PRMT3: variants seen among roughly 807,000 people sequenced by gnomAD.
PRMT3 encodes the protein protein arginine N-methyltransferase 3.
PRMT3 carries 62 observed loss-of-function variants against 71.9 expected under a neutral mutation model. The observed-to-expected ratio is 0.86, with a 90% CI of 0.70 to 1.07. The LOEUF is 1.07. Among genes scored for constraint, PRMT3 ranks in the 50% least tolerant of loss-of-function variants. PRMT3 has a pLI of 0.00. For synonymous variants in PRMT3, 213 were observed against 220.4 expected, an observed-to-expected ratio of 0.97 and a Z score of 0.30; for missense variants, 663 against 643.0, an observed-to-expected ratio of 1.03 and a Z score of -0.34.
At chr11:20,476,568 A>C (rs1850791299) in intron 13 of PRMT3, among the ~76,000 whole-genome samples, 1 of 152,210 alleles carries the variant, frequency 6.6e-6, no homozygotes, top group Non-Finnish European at 1.5e-5. Context: ...TGCCCCTCCC[A>C]AACCCAAAAT....
chr11:20,508,404 T>A lies in PRMT3; in HGVS notation c.1587T>A (p.Gly529=), dbSNP rs1039835628. The A allele has an allele frequency of 1.4e-5, 23 of 1,599,674 alleles. No individual in the cohort carries two copies. Among genetic ancestry groups the A allele is most frequent in the African/African-American group, 2.7e-5 (2 of 74,574 alleles). ...LTLNNSTQTY[G]LQ is the part of the protein sequence containing the mutation. ...TGAATAATTCAACTCAAACTTATGG[T>A]CTCCAGTGAAACAGCCATAAAAGCA... Residue 529 remains glycine, a synonymous_variant, in exon 16 of 16, where the codon GGT becomes GGA. Transcript: ENST00000331079.
intron 3 of PRMT3, among the ~76,000 whole-genome samples, chr11:20,391,669 T>A (rs2133295368): frequency 6.6e-6 from 1 of 152,122 alleles, no homozygotes; most frequent in South Asian, 2.1e-4. Context: ...ATAACAAGAG[T>A]TTTATGACAA....
chr11:20,482,509 A>G (rs1850962525), intron 13 of PRMT3, among the ~76,000 whole-genome samples: 1 of 152,106 alleles, frequency 6.6e-6, no homozygotes, highest in Non-Finnish European at 1.5e-5. Flanking sequence ...ATAAGAGTGG[A>G]CTCTTGATTA....
intron 13 of PRMT3, among the ~76,000 whole-genome samples, chr11:20,475,393 T>A (rs765532059): frequency 6.6e-6 from 1 of 152,186 alleles, no homozygotes; most frequent in Non-Finnish European, 1.5e-5. Context: ...ACCTGGATAT[T>A]TCAGATGAAG....
intron 10 of PRMT3, among the ~76,000 whole-genome samples, chr11:20,433,889 G>A (rs1014724403): frequency 6.6e-6 from 1 of 152,044 alleles, no homozygotes; most frequent in Non-Finnish European, 1.5e-5. Context: ...CAAAGTGCTG[G>A]GATTATAGGC....
intron 13 of PRMT3, among the ~76,000 whole-genome samples, chr11:20,468,489 C>T (rs1272172381): frequency 3.9e-5 from 6 of 152,142 alleles, no homozygotes; most frequent in Non-Finnish European, 7.3e-5. Flanking sequence ...TTGGCTCAGC[C>T]TCCCTAGTAG....
intron 13 of PRMT3, among the ~76,000 whole-genome samples, chr11:20,492,762 A>C (rs1260519823): frequency 6.6e-6 from 1 of 152,178 alleles, no homozygotes; most frequent in Non-Finnish European, 1.5e-5. Context: ...TAATTTCTTT[A>C]AGAGATCTTT....
Position 20,508,657 on chromosome 11 carries a change from C to G in PRMT3, c.*244C>G, listed in dbSNP as rs879158786. ...AGACGTTTGCTCCACCAGATTTAAC[C>G]AAATGTAACTCCCACATTGAGTTTA... is the stretch of plus-strand genomic sequence containing the variant. On this transcript the variant is annotated 3_prime_UTR_variant, in exon 16 of 16. Transcript: ENST00000331079. 3.3e-6 allele frequency: 2 copies of G among 612,394 alleles called. No individual in the cohort carries two copies. The highest frequency in any genetic ancestry group is 3.1e-5 in the South Asian group (2 of 64,708). 37.9% of individuals were successfully genotyped at this position (612,394 alleles called of 1,614,324 possible).
At chr11:20,423,744 A>G (rs1849476359) in intron 9 of PRMT3, among the ~76,000 whole-genome samples, 3 of 151,718 alleles carry the variant, frequency 2.0e-5, no homozygotes, top group Middle Eastern at 3.4e-3. Context: ...TCATTGGATT[A>G]CTTCTGTCTG....
intron 13 of PRMT3, among the ~76,000 whole-genome samples, chr11:20,473,683 G>A (rs2120310): frequency 0.76 from 115,762 of 152,006 alleles, 44,959 homozygotes; most frequent in South Asian, 0.85. Context: ...GGGTTGCAAC[G>A]TGCTCCTTTA....
At chr11:20,466,993 A>G (rs1216537418) in intron 13 of PRMT3, among the ~76,000 whole-genome samples, 3 of 152,164 alleles carry the variant, frequency 2.0e-5, no homozygotes, top group Non-Finnish European at 4.4e-5. Context: ...GGTGTTTATG[A>G]AAAAGTTTGT....
At chr11:20,409,723 C>CAT (rs1849155171) in intron 9 of PRMT3, among the ~76,000 whole-genome samples, 1 of 150,454 alleles carries the variant, frequency 6.6e-6, no homozygotes, top group Non-Finnish European at 1.5e-5. Flanking sequence ...ATTACACATA[C>CAT]ATATATATAG....
chr11:20,469,566 A>AT (rs749144011), intron 13 of PRMT3, among the ~76,000 whole-genome samples: 2 of 152,326 alleles, frequency 1.3e-5, no homozygotes, highest in East Asian at 3.9e-4. Flanking sequence ...CTTATACAAA[A>AT]TGCTTGCTTG....
Position 20,395,964 on chromosome 11 carries a change from T to C in PRMT3, c.560+2T>C. The C allele has an allele frequency of 6.2e-7, 1 of 1,610,972 alleles. No individual in the cohort carries two copies. The highest frequency in any genetic ancestry group is 2.2e-5 in the East Asian group (1 of 44,872). On this transcript the variant is annotated splice_donor_variant, in intron 6 of 15. Transcript: ENST00000331079. LOFTEE classifies it high-confidence loss of function. Reference sequence around the variant, plus strand: ...ACGTGAGGATCTGCAAAAAATGAAGTAATTTATCAATCTTGCAAAATTAAT... The same window carrying C: ...ACGTGAGGATCTGCAAAAAATGAAGCAATTTATCAATCTTGCAAAATTAAT...
chr11:20,467,624 TCTTA>T (rs1237586132), intron 13 of PRMT3, among the ~76,000 whole-genome samples: 1 of 7,506 alleles, frequency 1.3e-4, no homozygotes, highest in Non-Finnish European at 1.4e-3. Flanking sequence ...AATTCACTCT[TCTTA>T]AGAGACAGGC....
chr11:20,406,462 G>A (rs1849073298), intron 8 of PRMT3: 1 of 152,204 alleles, frequency 6.6e-6, no homozygotes, highest in Non-Finnish European at 1.5e-5. Context: ...CCTTGTTACA[G>A]CGAATGTCAG....
intron 2 of PRMT3, 95 bp from the exon 3 acceptor site, chr11:20,389,649 G>T: frequency 1.7e-6 from 1 of 604,576 alleles, no homozygotes; most frequent in Non-Finnish European, 2.5e-6. Context: ...GAAACCAGCA[G>T]AGTTAAAAAA....
chr11:20,495,460 TATG>T (rs1156612265), intron 15 of PRMT3, among the ~76,000 whole-genome samples: 1 of 152,020 alleles, frequency 6.6e-6, no homozygotes, highest in African/African-American at 2.4e-5. Flanking sequence ...TGCAGGGAGC[TATG>T]ATGATACCAC....
rs565838651 is a variant in PRMT3, at chr11:20,429,644, C to T, written c.993+2779C>T. 1.2e-4 allele frequency among the ~76,000 whole-genome samples: 18 copies of T among 152,340 alleles called. No homozygotes were observed. In the South Asian group the frequency reaches 3.7e-3, roughly 32 times the overall value. ...GAAGGGATAACTAAGAACTTTTCTTCTTCCTCACCACAAAGGTGTTACTTA... is the reference window on the plus strand; with the variant it reads ...GAAGGGATAACTAAGAACTTTTCTTTTTCCTCACCACAAAGGTGTTACTTA... On this transcript the variant is annotated intron_variant, in intron 10 of 15. Transcript: ENST00000331079.
Sources: gnomAD v4.1 joint callset for allele counts (sites outside exome capture counted in the v4.1 genomes callset) on GRCh38, gnomAD v4.1.1 for gene constraint, MANE v1.5 for transcripts, NCBI Gene and HGNC (gene_info 2026-07-23, HGNC 2026-07-21) for gene names.